The following TTC29 variants were observed in gnomAD, a reference collection of about 807,000 sequenced individuals.
TTC29 encodes the protein tetratricopeptide repeat protein 29.
TTC29 carries 49 observed loss-of-function variants against 58.1 expected under a neutral mutation model. The ratio of observed to expected loss-of-function variants is 0.84; its 90% CI spans 0.67 to 1.07. The LOEUF (loss-of-function observed/expected upper bound fraction) is 1.07, where lower values mean the gene tolerates loss of function less well. Among genes scored for constraint, TTC29 ranks in the 50% least tolerant of loss-of-function variants. TTC29 has a pLI of 0.00. For synonymous variants in TTC29, 209 were observed against 196.8 expected, an observed-to-expected ratio of 1.06 and a Z score of -0.52; for missense variants, 582 against 555.6, an observed-to-expected ratio of 1.05 and a Z score of -0.48.
intron 10 of TTC29, among the ~76,000 whole-genome samples, chr4:146,819,787 C>T (rs962212205): frequency 5.9e-5 from 9 of 152,124 alleles, no homozygotes; most frequent in African/African-American, 1.9e-4. Flanking sequence ...AGATAATAGC[C>T]AACAGTTATA....
intron 11 of TTC29, among the ~76,000 whole-genome samples, chr4:146,742,129 A>C (rs533202553): frequency 6.6e-6 from 1 of 152,328 alleles, no homozygotes; most frequent in South Asian, 2.1e-4. Flanking sequence ...ACTTTGCATC[A>C]CTATTACATT....
intron 4 of TTC29, 125 bp downstream of exon 4, chr4:146,937,469 C>T (rs1735932913): frequency 3.1e-6 from 2 of 653,588 alleles, no homozygotes; most frequent in African/African-American, 3.8e-5. Context: ...TTAATATGAG[C>T]TTTAATTTTT....
intron 11 of TTC29, among the ~76,000 whole-genome samples, chr4:146,753,315 T>C (rs1746167425): frequency 6.6e-6 from 1 of 152,208 alleles, no homozygotes; most frequent in South Asian, 2.1e-4. Context: ...TCATCATCAC[T>C]GGCCATCAGA....
chr4:146,867,275 C>T (rs1730624101), intron 8 of TTC29, among the ~76,000 whole-genome samples: 1 of 152,174 alleles, frequency 6.6e-6, no homozygotes, highest in East Asian at 1.9e-4. Flanking sequence ...TATCCCAAAG[C>T]ACTTCATAGT....
intron 6 of TTC29, among the ~76,000 whole-genome samples, chr4:146,895,596 C>G (rs1316175169): frequency 6.6e-6 from 1 of 152,112 alleles, no homozygotes; most frequent in Admixed American, 6.6e-5. Context: ...AGCAGTGAGC[C>G]TGTACGAGAG....
intron 8 of TTC29, among the ~76,000 whole-genome samples, chr4:146,858,402 C>T (rs541371849): frequency 6.6e-6 from 1 of 152,284 alleles, no homozygotes; most frequent in East Asian, 1.9e-4. Context: ...AATTAGAATG[C>T]CATTGCTATG....
intron 4 of TTC29, among the ~76,000 whole-genome samples, chr4:146,927,136 A>T (rs1026706552): frequency 1.3e-5 from 2 of 152,056 alleles, no homozygotes; most frequent in African/African-American, 4.8e-5. Flanking sequence ...CACATGTATA[A>T]ATGTGAGTGT....
intron 10 of TTC29, among the ~76,000 whole-genome samples, chr4:146,818,426 A>T (rs1476519806): frequency 1.3e-5 from 2 of 152,230 alleles, no homozygotes; most frequent in Non-Finnish European, 2.9e-5. Flanking sequence ...TTAAAAAGTC[A>T]GGAAACAACA....
In TTC29 at chr4:146,913,738, C is replaced by G. The variant is rs751744558; in HGVS notation, c.177-4489G>C. 1.8e-4 allele frequency among the ~76,000 whole-genome samples: 28 copies of G among 152,080 alleles called. 1 individual carries two copies. The highest frequency in any genetic ancestry group is 1.3e-4 in the Non-Finnish European group (9 of 68,014). On this transcript the variant is annotated intron_variant, in intron 4 of 12. Transcript: ENST00000325106. The stretch of plus-strand genomic sequence containing the variant: ...GGTTCTCCTCTAAATTCCACCATAA[C>G]CTTTCAATAAAATCATTTCCACTTG...
At chr4:146,937,728 G>T in intron 3 of TTC29, 51 bp from the exon 4 acceptor site, 1 of 1,093,230 alleles carries the variant, frequency 9.1e-7, no homozygotes, top group Non-Finnish European at 1.3e-6. Context: ...AAGTTGAAAA[G>T]CTACCAAACA....
intron 11 of TTC29, among the ~76,000 whole-genome samples, chr4:146,716,586 G>A (rs79991826): frequency 0.049 from 7,486 of 152,124 alleles, 280 homozygotes; most frequent in East Asian, 0.17. Flanking sequence ...ATAATCCAGA[G>A]ATGTGAAAAT....
At chr4:146,893,150 G>T (rs79442304) in intron 6 of TTC29, among the ~76,000 whole-genome samples, 43,053 of 151,960 alleles carry the variant, frequency 0.28, 6,661 homozygotes, top group South Asian at 0.41. Context: ...AAGCTACCAA[G>T]GACTTTCTTC....
intron 11 of TTC29, among the ~76,000 whole-genome samples, chr4:146,776,880 A>G (rs1748139537): frequency 6.6e-6 from 1 of 152,224 alleles, no homozygotes; most frequent in Non-Finnish European, 1.5e-5. Context: ...CATTTGTGCT[A>G]GCAGCAGTGG....
At chr4:146,737,861 G>C (rs759692265) in intron 11 of TTC29, among the ~76,000 whole-genome samples, 9 of 152,074 alleles carry the variant, frequency 5.9e-5, no homozygotes, top group Non-Finnish European at 1.2e-4. Flanking sequence ...CTGATGCAGT[G>C]GTCCTAAGAC....
chr4:146,800,959 T>G (rs939134429), intron 11 of TTC29, among the ~76,000 whole-genome samples: 1 of 152,110 alleles, frequency 6.6e-6, no homozygotes, highest in African/African-American at 2.4e-5. Context: ...AGAGACCACA[T>G]TTAAATAAGA....
intron 9 of TTC29, among the ~76,000 whole-genome samples, chr4:146,826,889 C>CTTAGCTGAT (rs113947149): frequency 6.7e-6 from 1 of 149,790 alleles, no homozygotes; most frequent in Non-Finnish European, 1.5e-5. Context: ...CTTTCTTCTG[C>CTTAGCTGAT]TTGGCTGTTG....
chr4:146,821,999 T>G (rs995608956), intron 9 of TTC29, among the ~76,000 whole-genome samples: 1 of 151,378 alleles, frequency 6.6e-6, no homozygotes, highest in African/African-American at 2.4e-5. Flanking sequence ...TTTTTTTTTT[T>G]TTTTTTTCTG....
At chr4:146,818,583 G>T (rs1053988791) in intron 10 of TTC29, among the ~76,000 whole-genome samples, 2 of 151,834 alleles carry the variant, frequency 1.3e-5, no homozygotes, top group Admixed American at 1.3e-4. Context: ...CTCATTACTG[G>T]GTATATACCC....
intron 7 of TTC29, among the ~76,000 whole-genome samples, chr4:146,870,137 GT>G (rs1390518179): frequency 6.6e-6 from 1 of 152,052 alleles, no homozygotes; most frequent in Non-Finnish European, 1.5e-5. Flanking sequence ...ATTAAGTATG[GT>G]CATCAGAGTA....
Sources: gnomAD v4.1 joint callset for allele counts (sites outside exome capture counted in the v4.1 genomes callset) on GRCh38, gnomAD v4.1.1 for gene constraint, MANE v1.5 for transcripts, NCBI Gene and HGNC (gene_info 2026-07-23, HGNC 2026-07-21) for gene names.